Variants in NKAIN3 observed in about 807,000 individuals in gnomAD.
The protein encoded by NKAIN3 is sodium/potassium transporting ATPase interacting 3.
A neutral mutation model predicts 30.2 loss-of-function variants in NKAIN3; 25 were observed. That is an observed-to-expected ratio of 0.83 (90% CI 0.60 to 1.16). NKAIN3 has a LOEUF of 1.16. NKAIN3 is among the 50% of genes most tolerant of loss of function. The probability of loss-of-function intolerance (pLI) is 0.00; values close to 1 mark genes in which losing one functional copy is unlikely to be tolerated. For missense variants in NKAIN3, 225 were observed against 254.1 expected (o/e 0.89, Z 0.78); for synonymous variants, 91 against 89.6 (o/e 1.02, Z -0.09).
chr8:62,268,852 A>G (rs1055731684), intron 1 of NKAIN3, among the ~76,000 whole-genome samples: 1 of 152,172 alleles, frequency 6.6e-6, no homozygotes. Context: ...GTATATGCAT[A>G]ATACTACAAA....
chr8:62,986,693 T>A (rs1239865708), downstream of NKAIN3, among the ~76,000 whole-genome samples: 1 of 152,220 alleles, frequency 6.6e-6, no homozygotes, highest in African/African-American at 2.4e-5. Context: ...GCCATTGCAT[T>A]TATTATGGTA....
In NKAIN3 at chr8:62,838,745, A is replaced by T. The variant is rs185475499; in HGVS notation, c.472-79708A>T. ...CTTCCACAAAATAATCGAAAATTAT[A>T]TCCAAAAGAATAAACTCCTTAGCAT... On this transcript the variant is annotated intron_variant, in intron 4 of 6. Transcript: ENST00000623646. 2.6e-3 allele frequency among the ~76,000 whole-genome samples: 389 copies of T among 152,276 alleles called. 2 individuals carry two copies. Among genetic ancestry groups the T allele is most frequent in the African/African-American group, 9.0e-3 (374 of 41,578 alleles).
intron 4 of NKAIN3, among the ~76,000 whole-genome samples, chr8:62,755,751 A>G (rs931071568): frequency 6.6e-6 from 1 of 152,148 alleles, no homozygotes; most frequent in African/African-American, 2.4e-5. Flanking sequence ...CTTACTCACT[A>G]TACACCATCT....
chr8:62,790,232 T>C (rs938446565), intron 4 of NKAIN3, among the ~76,000 whole-genome samples: 1 of 152,150 alleles, frequency 6.6e-6, no homozygotes, highest in Non-Finnish European at 1.5e-5. Flanking sequence ...TCTCAGTAGA[T>C]GCAGAAAAGG....
intron 4 of NKAIN3, among the ~76,000 whole-genome samples, chr8:62,879,690 A>G (rs1445008959): frequency 1.3e-5 from 2 of 152,094 alleles, no homozygotes; most frequent in Non-Finnish European, 2.9e-5. Context: ...TGCTTAGGCC[A>G]ATGCTCCCAC....
At chr8:62,887,101 T>C (rs971685690) in intron 4 of NKAIN3, among the ~76,000 whole-genome samples, 8 of 152,210 alleles carry the variant, frequency 5.3e-5, no homozygotes, top group African/African-American at 1.9e-4. Context: ...GTCTTTGCTA[T>C]TGTAAATAGT....
At chr8:62,849,295 CTTT>C (rs71255367) in intron 4 of NKAIN3, among the ~76,000 whole-genome samples, 153 of 106,070 alleles carry the variant, frequency 1.4e-3, no homozygotes, top group African/African-American at 2.0e-3. Context: ...TGGTCCTGGG[CTTT>C]TTTTTTTTTT....
chr8:62,609,350 A>G lies in NKAIN3; in HGVS notation c.273+19556A>G, dbSNP rs572449355. ...ATGCTGTTATAAATGTGCTGAAGGCATTGTACTTGCTGGAAAATGTTTATT... is the reference window on the plus strand; with the variant it reads ...ATGCTGTTATAAATGTGCTGAAGGCGTTGTACTTGCTGGAAAATGTTTATT... On this transcript the variant is annotated intron_variant, in intron 3 of 6. Coordinates refer to ENST00000623646, the MANE Select transcript of NKAIN3 (RefSeq NM_001304533.3). Among the ~76,000 whole-genome samples the G allele has an allele frequency of 1.4e-4, 22 of 152,312 alleles. No homozygotes were observed. The South Asian group carries it at 4.6e-3, about 32-fold the overall frequency.
intron 4 of NKAIN3, among the ~76,000 whole-genome samples, chr8:62,852,875 T>G (rs1819951438): frequency 6.6e-6 from 1 of 152,154 alleles, no homozygotes; most frequent in African/African-American, 2.4e-5. Flanking sequence ...AACTTCCAAG[T>G]ATGTGGTCAG....
intron 3 of NKAIN3, among the ~76,000 whole-genome samples, chr8:62,664,973 T>C (rs917628674): frequency 3.3e-5 from 5 of 152,312 alleles, no homozygotes; most frequent in Middle Eastern, 3.4e-3. Flanking sequence ...ACTCTTCTTT[T>C]AATTCTAGAG....
At chr8:62,708,795 G>C (rs1018542417) in intron 3 of NKAIN3, among the ~76,000 whole-genome samples, 2 of 152,154 alleles carry the variant, frequency 1.3e-5, no homozygotes, top group African/African-American at 4.8e-5. Context: ...TCCTTGTCTT[G>C]TTCCAGTTCC....
chr8:62,394,469 T>G (rs1817667807), intron 1 of NKAIN3, among the ~76,000 whole-genome samples: 1 of 135,532 alleles, frequency 7.4e-6, no homozygotes, highest in Admixed American at 7.9e-5. Context: ...TTTTCTTGAC[T>G]GTAATTGCTA....
chr8:62,808,394 C>A (rs936880552), intron 4 of NKAIN3, among the ~76,000 whole-genome samples: 3 of 152,160 alleles, frequency 2.0e-5, no homozygotes, highest in African/African-American at 7.2e-5. Flanking sequence ...TTCAGTGCAT[C>A]ATCATCTGGT....
At chr8:62,818,642 A>G (rs905473918) in intron 4 of NKAIN3, among the ~76,000 whole-genome samples, 6 of 152,152 alleles carry the variant, frequency 3.9e-5, no homozygotes, top group African/African-American at 1.4e-4. Flanking sequence ...AAAGATTAAT[A>G]AGATAGAATT....
chr8:62,311,422 G>A (rs1239907523), intron 1 of NKAIN3, among the ~76,000 whole-genome samples: 1 of 150,266 alleles, frequency 6.7e-6, no homozygotes, highest in African/African-American at 2.5e-5. Context: ...CCAGAAACTG[G>A]GGCCTACGGA....
chr8:62,903,435 A>C (rs944788003), intron 4 of NKAIN3, among the ~76,000 whole-genome samples: 2 of 152,126 alleles, frequency 1.3e-5, no homozygotes, highest in East Asian at 3.9e-4. Context: ...GTCTCTCCTA[A>C]GACTTCTTCC....
chr8:62,791,346 G>T (rs755570152), intron 4 of NKAIN3, among the ~76,000 whole-genome samples: 2 of 152,232 alleles, frequency 1.3e-5, no homozygotes, highest in East Asian at 3.9e-4. Context: ...CACATTTTCT[G>T]TCCAGAGCAA....
At chr8:62,445,319 T>C (rs1225637812) in intron 1 of NKAIN3, among the ~76,000 whole-genome samples, 1 of 150,994 alleles carries the variant, frequency 6.6e-6, no homozygotes, top group African/African-American at 2.5e-5. Context: ...GTGTCTTTTT[T>C]TTTTTTGGTT....
At chr8:62,774,753 C>A (rs1352900660) in intron 4 of NKAIN3, among the ~76,000 whole-genome samples, 1 of 152,104 alleles carries the variant, frequency 6.6e-6, no homozygotes, top group African/African-American at 2.4e-5. Context: ...CTGGATAAAT[C>A]CAACTTGGTT....
Sources: allele counts gnomAD v4.1 joint callset (sites outside exome capture counted in the v4.1 genomes callset), GRCh38; gene constraint gnomAD v4.1.1; transcripts MANE v1.5; gene names NCBI Gene and HGNC (gene_info 2026-07-23, HGNC 2026-07-21).